The following FAM24B variants were observed in gnomAD, a reference collection of about 807,000 sequenced individuals.
FAM24B encodes the protein protein FAM24B.
FAM24B carries 3 observed loss-of-function variants against 2.3 expected under a neutral mutation model. The ratio of observed to expected loss-of-function variants is 1.29; its 90% confidence interval spans 0.59 to 3.32. The LOEUF is 3.32. Ranked by LOEUF, FAM24B falls within the 30% of genes most tolerant of loss-of-function variation. The pLI is 0.03. For synonymous variants in FAM24B, 36 were observed against 46.3 expected, an observed-to-expected ratio of 0.78 and a Z score of 0.90; for missense variants, 98 against 117.2, an observed-to-expected ratio of 0.84 and a Z score of 0.76.
chr10:122,868,446 C>T (rs531312329), intron 1 of FAM24B, among the ~76,000 whole-genome samples: 1 of 152,156 alleles, frequency 6.6e-6, no homozygotes, highest in East Asian at 1.9e-4. Context: ...CACAAAGATA[C>T]TCCTGGAGAA....
At chr10:122,856,593 T>A (rs1351574341) in intron 1 of FAM24B, among the ~76,000 whole-genome samples, 1 of 152,120 alleles carries the variant, frequency 6.6e-6, no homozygotes, top group Admixed American at 6.5e-5. Context: ...AGCAAAAGCA[T>A]CTGAATATCT....
intron 1 of FAM24B, among the ~76,000 whole-genome samples, chr10:122,878,282 C>T (rs1848011135): frequency 6.6e-6 from 1 of 152,130 alleles, no homozygotes; most frequent in Non-Finnish European, 1.5e-5. Flanking sequence ...CTTGTAATCC[C>T]AGCACTTTTG....
At chr10:122,865,669 G>A (rs962009240) in intron 1 of FAM24B, among the ~76,000 whole-genome samples, 4 of 151,966 alleles carry the variant, frequency 2.6e-5, no homozygotes, top group South Asian at 4.1e-4. Flanking sequence ...TCTATTTTCT[G>A]GATAAAACTG....
chr10:122,860,185 C>A (rs1847705705), intron 1 of FAM24B, among the ~76,000 whole-genome samples: 1 of 152,128 alleles, frequency 6.6e-6, no homozygotes. Context: ...CTTCTGTGGC[C>A]CCTACAGTCA....
chr10:122,861,011 T>C (rs1231747912), intron 1 of FAM24B, among the ~76,000 whole-genome samples: 1 of 152,182 alleles, frequency 6.6e-6, no homozygotes, highest in African/African-American at 2.4e-5. Flanking sequence ...AAGTGTGTCT[T>C]CAATAAAGCA....
intron 1 of FAM24B, among the ~76,000 whole-genome samples, chr10:122,876,666 T>C (rs1847980894): frequency 1.3e-5 from 2 of 152,194 alleles, no homozygotes; most frequent in Non-Finnish European, 2.9e-5. Flanking sequence ...CTGATATCAG[T>C]TGTGATTTTC....
intron 1 of FAM24B, among the ~76,000 whole-genome samples, chr10:122,872,597 T>C (rs1010888018): frequency 6.6e-6 from 1 of 152,174 alleles, no homozygotes; most frequent in African/African-American, 2.4e-5. Flanking sequence ...CATGGAATAC[T>C]ATGCAGCCAT....
intron 1 of FAM24B, among the ~76,000 whole-genome samples, chr10:122,868,598 T>C (rs1847840430): frequency 6.6e-6 from 1 of 152,056 alleles, no homozygotes; most frequent in Non-Finnish European, 1.5e-5. Context: ...GCAGAAACTC[T>C]ACAAGCCAGA....
chr10:122,853,628 C>T (rs1418655853), intron 2 of FAM24B, among the ~76,000 whole-genome samples: 1 of 152,130 alleles, frequency 6.6e-6, no homozygotes, highest in Non-Finnish European at 1.5e-5. Context: ...GTGGTTCATG[C>T]CTGTAATCCC....
intron 2 of FAM24B, among the ~76,000 whole-genome samples, chr10:122,853,640 G>A (rs138107079): frequency 6.6e-6 from 1 of 152,282 alleles, no homozygotes; most frequent in East Asian, 1.9e-4. Context: ...TGTAATCCCA[G>A]CACTTTGGAA....
intron 3 of FAM24B, 35 bp downstream of exon 3, chr10:122,850,388 CT>C (rs768839210): frequency 4.5e-6 from 7 of 1,550,280 alleles, no homozygotes; most frequent in Non-Finnish European, 6.2e-6. Context: ...ATGTGACTCA[CT>C]TTAGTACGTT....
At chr10:122,850,794 C>T (rs1847521196) in intron 2 of FAM24B, 9 of 371,202 alleles carry the variant, frequency 2.4e-5, no homozygotes, top group Non-Finnish European at 4.5e-5. Flanking sequence ...AGAGAGAAGG[C>T]TATCAGAAGG....
chr10:122,867,883 C>A (rs962797143), intron 1 of FAM24B, among the ~76,000 whole-genome samples: 3 of 152,148 alleles, frequency 2.0e-5, no homozygotes, highest in Admixed American at 6.5e-5. Flanking sequence ...AATCAGAGCG[C>A]CTCTCCTCCT....
At chr10:122,850,645 C>T (rs1847518618) in intron 2 of FAM24B, 95 bp from the exon 3 acceptor site, 2 of 708,508 alleles carry the variant, frequency 2.8e-6, no homozygotes, top group Non-Finnish European at 5.1e-6. Flanking sequence ...GAAGAAGAAA[C>T]CCCAAACACA....
intron 1 of FAM24B, among the ~76,000 whole-genome samples, chr10:122,859,909 G>C (rs1333880670): frequency 6.6e-6 from 1 of 152,142 alleles, no homozygotes; most frequent in Non-Finnish European, 1.5e-5. Context: ...AGGAGGGCCT[G>C]TGAAGTTGTT....
chr10:122,868,506 G>T (rs1191399745), intron 1 of FAM24B, among the ~76,000 whole-genome samples: 2 of 152,044 alleles, frequency 1.3e-5, no homozygotes, highest in Non-Finnish European at 2.9e-5. Context: ...TTGAAATGAA[G>T]GAAAAAATGT....
intron 1 of FAM24B, among the ~76,000 whole-genome samples, chr10:122,876,359 A>ACTTTC (rs1334819753): frequency 2.0e-5 from 3 of 152,198 alleles, no homozygotes; most frequent in African/African-American, 7.2e-5. Flanking sequence ...CTGGTAAAGT[A>ACTTTC]CTTTCCCTTG....
chr10:122,878,673 T>C (rs2133845743), intron 1 of FAM24B, among the ~76,000 whole-genome samples: 1 of 152,082 alleles, frequency 6.6e-6, no homozygotes, highest in Non-Finnish European at 1.5e-5. Flanking sequence ...AAGAAACTCC[T>C]GGAATTGTTC....
chr10:122,869,105 G>C, intron 1 of FAM24B, among the ~76,000 whole-genome samples: 1 of 151,262 alleles, frequency 6.6e-6, no homozygotes. Flanking sequence ...CAAGCAAATG[G>C]AAAACAAAAA....
Sources: gnomAD v4.1 joint callset for allele counts (sites outside exome capture counted in the v4.1 genomes callset) on GRCh38, gnomAD v4.1.1 for gene constraint, MANE v1.5 for transcripts, NCBI Gene and HGNC (gene_info 2026-07-23, HGNC 2026-07-21) for gene names.